The following DRAM1 variants were observed in gnomAD, a reference collection of about 807,000 sequenced individuals.
The protein encoded by DRAM1 is DNA damage-regulated autophagy modulator protein 1.
A neutral mutation model predicts 28.5 loss-of-function variants in DRAM1; 25 were observed. The observed-to-expected ratio is 0.88, with a 90% CI of 0.64 to 1.23. The LOEUF (loss-of-function observed/expected upper bound fraction) is 1.23. Among genes scored for constraint, DRAM1 ranks in the 50% most tolerant of loss-of-function variants. The pLI is 0.00. For missense variants in DRAM1, 249 were observed against 299.2 expected, an observed-to-expected ratio of 0.83 and a Z score of 1.24; for synonymous variants, 113 against 114.2, an observed-to-expected ratio of 0.99 and a Z score of 0.07.
At chr12:101,891,947 C>A (rs1230553323) in intron 1 of DRAM1, among the ~76,000 whole-genome samples, 1 of 152,184 alleles carries the variant, frequency 6.6e-6, no homozygotes, top group African/African-American at 2.4e-5. Flanking sequence ...CACCCAAATA[C>A]TACTACCTCT....
chr12:101,882,145 G>GTTT (rs1872710353), intron 1 of DRAM1, among the ~76,000 whole-genome samples: 1 of 134,910 alleles, frequency 7.4e-6, no homozygotes, highest in African/African-American at 2.7e-5. Context: ...TTGAGACGGA[G>GTTT]TTTCCCAGGC....
In DRAM1 at chr12:101,919,715, G is replaced by A. The variant is rs1227435521; in HGVS notation, c.580-394G>A. Among the ~76,000 whole-genome samples the A allele has an allele frequency of 3.9e-5, 6 of 152,312 alleles. No individual in the cohort carries two copies. The East Asian group carries it at 1.2e-3, about 29-fold the overall frequency. On this transcript the variant is annotated intron_variant, in intron 5 of 6. Transcript: ENST00000258534. The stretch of plus-strand genomic sequence containing the variant: ...CTTTCTTTGGAACAACTGCGAGAGT[G>A]CTTGTTAAGCATAGCCTTACACTTA...
intron 3 of DRAM1, among the ~76,000 whole-genome samples, chr12:101,904,073 G>A (rs937113748): frequency 1.3e-5 from 2 of 152,004 alleles, no homozygotes; most frequent in African/African-American, 4.8e-5. Context: ...TGCAACCTCC[G>A]CCTCTCAGGT....
intron 1 of DRAM1, among the ~76,000 whole-genome samples, chr12:101,882,720 T>C (rs548765487): frequency 6.6e-6 from 1 of 151,210 alleles, no homozygotes; most frequent in African/African-American, 2.4e-5. Flanking sequence ...AAACAGTCTC[T>C]CTCATACATT....
At chr12:101,915,768 G>A (rs1015112453) in intron 5 of DRAM1, among the ~76,000 whole-genome samples, 26 of 152,004 alleles carry the variant, frequency 1.7e-4, no homozygotes, top group Admixed American at 6.6e-4. Flanking sequence ...CACCGTGTTA[G>A]CCAGGATGGT....
chr12:101,917,882 C>T (rs776192559), intron 5 of DRAM1, among the ~76,000 whole-genome samples: 2 of 152,136 alleles, frequency 1.3e-5, no homozygotes, highest in African/African-American at 2.4e-5. Flanking sequence ...GACCGCATAG[C>T]GGAGCAGTTC....
chr12:101,912,181 A>C (rs12303480), intron 4 of DRAM1, among the ~76,000 whole-genome samples: 13,814 of 152,198 alleles, frequency 0.091, 1,236 homozygotes, highest in East Asian at 0.24. Context: ...GCCTGAGTGA[A>C]AGAGCGAGAC....
chr12:101,905,914 C>G (rs1282305661), intron 3 of DRAM1, among the ~76,000 whole-genome samples: 3 of 152,160 alleles, frequency 2.0e-5, no homozygotes, highest in African/African-American at 7.2e-5. Flanking sequence ...CTCAGTCTCC[C>G]TGGTAGCTGG....
At chr12:101,897,021 A>G (rs1445167922) in intron 1 of DRAM1, among the ~76,000 whole-genome samples, 4 of 152,032 alleles carry the variant, frequency 2.6e-5, no homozygotes, top group Non-Finnish European at 5.9e-5. Flanking sequence ...TTCTGACCTC[A>G]GGTGATCCGC....
chr12:101,877,625 C>T lies in DRAM1; in HGVS notation c.-165C>T, dbSNP rs1872528976. 2.5e-6 allele frequency: 1 copy of T among 394,104 alleles called. No homozygotes were observed. Among genetic ancestry groups the T allele is most frequent in the Non-Finnish European group, 4.1e-6 (1 of 243,402 alleles). 24.4% of individuals were successfully genotyped at this position (394,104 alleles called of 1,614,324 possible). A position where few individuals can be genotyped will look rare whatever the true frequency, so the allele number is the denominator to read the frequency against. On this transcript the variant is annotated 5_prime_UTR_variant, in exon 1 of 7. Coordinates refer to ENST00000258534, the MANE Select transcript of DRAM1 (RefSeq NM_018370.3). This position sits in a 1 kb window ranked among gnomAD's most constrained non-coding sequence, Gnocchi z 4.1. Reference sequence around the variant, plus strand: ...CCGCCCGCAGCCTCGCTCCGCTCCTCGCGCTTCCCCTCCCTCCGGGGCTGG... The same window carrying T: ...CCGCCCGCAGCCTCGCTCCGCTCCTTGCGCTTCCCCTCCCTCCGGGGCTGG...
Position 101,877,719 on chromosome 12 carries a change from C to T in DRAM1, c.-71C>T. The T allele has an allele frequency of 3.2e-6, 4 of 1,240,762 alleles. No homozygotes were observed. Among genetic ancestry groups the T allele is most frequent in the Non-Finnish European group, 4.1e-6 (4 of 986,872 alleles). 76.9% of individuals were successfully genotyped at this position (1,240,762 alleles called of 1,614,324 possible). A position where few individuals can be genotyped will look rare whatever the true frequency, so the allele number is the denominator to read the frequency against. On this transcript the variant is annotated 5_prime_UTR_variant, in exon 1 of 7. Coordinates refer to ENST00000258534, the MANE Select transcript of DRAM1 (RefSeq NM_018370.3). The surrounding 1 kb of genome is among the most constrained non-coding windows in gnomAD (Gnocchi z 4.1). ...AGTGTACGCGCCCGGCCGCCGCCTC[C>T]AGGCAGCCCGGAGCAACCCGGCGCC...
chr12:101,892,248 T>A (rs547637105), intron 1 of DRAM1, among the ~76,000 whole-genome samples: 6 of 150,734 alleles, frequency 4.0e-5, no homozygotes, highest in South Asian at 2.1e-4. Context: ...TTTTATTTTT[T>A]TTTTTGAGAC....
chr12:101,897,832 T>C (rs1014335225), intron 1 of DRAM1, 31 bp from the exon 2 acceptor site: 9 of 1,538,160 alleles, frequency 5.9e-6, no homozygotes, highest in African/African-American at 1.4e-5. Flanking sequence ...AATTTCTTTC[T>C]AATAATTTGG....
chr12:101,895,695 G>T (rs4764673), intron 1 of DRAM1, among the ~76,000 whole-genome samples: 7 of 146,536 alleles, frequency 4.8e-5, no homozygotes, highest in African/African-American at 7.5e-5. Context: ...CTCAGCCTCC[G>T]GATTAGCTGG....
rs182526542 is a variant in DRAM1 at position 101,898,568 on chromosome 12, A to G, written c.199+638A>G. On this transcript the variant is annotated intron_variant, in intron 2 of 6. Coordinates refer to ENST00000258534, the MANE Select transcript of DRAM1 (RefSeq NM_018370.3). ...CACTTATGTAAGCCAAAGACACCCA[A>G]TGCGTAAGCTAAGTTTCTCAAAGTG... Among the ~76,000 whole-genome samples the G allele has an allele frequency of 3.9e-5, 6 of 152,352 alleles. No individual in the cohort carries two copies. The East Asian group carries it at 7.7e-4, about 20-fold the overall frequency.
chr12:101,915,861 G>T (rs767001659), intron 5 of DRAM1, among the ~76,000 whole-genome samples: 2 of 152,100 alleles, frequency 1.3e-5, no homozygotes, highest in African/African-American at 2.4e-5. Context: ...CGCCCAACCT[G>T]CAGACTTTCG....
At chr12:101,892,586 CA>C (rs924849303) in intron 1 of DRAM1, among the ~76,000 whole-genome samples, 34 of 152,056 alleles carry the variant, frequency 2.2e-4, no homozygotes, top group African/African-American at 7.2e-4. Context: ...TGGTAATGGG[CA>C]AACACTATTG....
intron 3 of DRAM1, among the ~76,000 whole-genome samples, chr12:101,905,276 T>C (rs1873761777): frequency 6.6e-6 from 1 of 152,186 alleles, no homozygotes; most frequent in South Asian, 2.1e-4. Context: ...TTTATTTGTA[T>C]TTGTATTTTT....
intron 4 of DRAM1, among the ~76,000 whole-genome samples, chr12:101,910,044 T>C (rs1873981853): frequency 6.6e-6 from 1 of 152,256 alleles, no homozygotes. Context: ...TTAAGCTTTG[T>C]GTTTCTTTTC....
Sources: gnomAD v4.1 joint callset for allele counts (sites outside exome capture counted in the v4.1 genomes callset) on GRCh38, gnomAD v4.1.1 for gene constraint, Gnocchi (gnomAD v3.1) non-coding constraint, MANE v1.5 for transcripts, NCBI Gene and HGNC (gene_info 2026-07-23, HGNC 2026-07-21) for gene names.